Variants in SOX6 observed in about 807,000 individuals in gnomAD.
SOX6 encodes the protein SRY-box transcription factor 6.
A neutral mutation model predicts 97.8 loss-of-function variants in SOX6; 11 were observed. That is an observed-to-expected ratio of 0.11 (90% CI 0.07 to 0.19). The LOEUF (loss-of-function observed/expected upper bound fraction) is 0.19, where lower values mean the gene tolerates loss of function less well. Among genes scored for constraint, SOX6 ranks in the 10% least tolerant of loss-of-function variants. SOX6 has a pLI of 1.00. For synonymous variants in SOX6, 360 were observed against 371.4 expected, an observed-to-expected ratio of 0.97 and a Z score of 0.35; for missense variants, 810 against 1,039.5, an observed-to-expected ratio of 0.78 and a Z score of 3.04.
In SOX6 at chr11:16,014,947, G is replaced by A. The variant is rs1367509838; in HGVS notation, c.1727C>T (p.Ala576Val). The change falls in exon 13 of 16, where the codon GCA becomes GTA. Residue 576 changes from alanine to valine, a missense_variant. Coordinates refer to ENST00000683767, the MANE Select transcript of SOX6 (RefSeq NM_001367873.1). Reference sequence around the variant, plus strand: ...ACTAGAGAAAAGCCACTCACCCTCTGCATCTTCTGGCCGAGTAAGGTCGAT... The same window carrying A: ...ACTAGAGAAAAGCCACTCACCCTCTACATCTTCTGGCCGAGTAAGGTCGAT... ...GVIDLTRPED[A>V]EGSKAMNGSA... 3 of 1,612,336 alleles carry A rather than the reference G, an allele frequency of 1.9e-6. No individual in the cohort carries two copies. The highest frequency in any genetic ancestry group is 3.3e-5 in the Admixed American group (2 of 59,810).
In SOX6 at chr11:16,492,745, G is replaced by A. The variant is rs866233430; in HGVS notation, n.610-16357C>T. Among the ~76,000 whole-genome samples, 8 of 152,188 alleles carry A rather than the reference G, an allele frequency of 5.3e-5. No individual in the cohort carries two copies. The South Asian group carries it at 1.7e-3, about 32-fold the overall frequency. On this transcript the variant is annotated intron_variant and non_coding_transcript_variant, in intron 4 of 5. Coordinates refer to the SOX6 transcript ENST00000524520. Reference sequence around the variant, plus strand: ...CCAAACTAAGACTACAAACTGGTCTGTACCCAGAATGTATTAAAACGCCTA... The same window carrying A: ...CCAAACTAAGACTACAAACTGGTCTATACCCAGAATGTATTAAAACGCCTA...
At chr11:16,516,491 G>A (rs980869572) in intron 4 of SOX6, among the ~76,000 whole-genome samples, 2 of 151,868 alleles carry the variant, frequency 1.3e-5, no homozygotes, top group African/African-American at 4.8e-5. Flanking sequence ...AATGATAAAG[G>A]GGATATCACC....
chr11:16,105,389 T>A (rs1030870174), intron 7 of SOX6, among the ~76,000 whole-genome samples: 2 of 152,038 alleles, frequency 1.3e-5, no homozygotes, highest in African/African-American at 4.8e-5. Context: ...GACCTCGGCA[T>A]GATGAAACCT....
At chr11:16,379,189 G>A (rs748251804) in intron 1 of SOX6, among the ~76,000 whole-genome samples, 14 of 152,088 alleles carry the variant, frequency 9.2e-5, no homozygotes, top group Non-Finnish European at 1.8e-4. Flanking sequence ...AATGCAGGCC[G>A]GGCACAGTGG....
At chr11:16,618,982 T>A (rs555307645) in intron 3 of SOX6, among the ~76,000 whole-genome samples, 8 of 152,196 alleles carry the variant, frequency 5.3e-5, no homozygotes, top group African/African-American at 1.7e-4. Flanking sequence ...ATAAGATCTG[T>A]GCAGTAGACA....
intron 3 of SOX6, among the ~76,000 whole-genome samples, chr11:16,235,342 G>A (rs1486250491): frequency 6.6e-6 from 1 of 151,958 alleles, no homozygotes; most frequent in African/African-American, 2.4e-5. Context: ...CTAAAATACA[G>A]GGAGTAATTA....
intron 3 of SOX6, among the ~76,000 whole-genome samples, chr11:16,714,479 A>C (rs1224662892): frequency 7.6e-6 from 1 of 130,878 alleles, no homozygotes; most frequent in African/African-American, 3.1e-5. Context: ...TTTCAGACAG[A>C]GTCTTGCTCT....
At chr11:16,203,490 G>A (rs561471054) in intron 4 of SOX6, among the ~76,000 whole-genome samples, 80 of 152,172 alleles carry the variant, frequency 5.3e-4, no homozygotes, top group Non-Finnish European at 1.1e-3. Context: ...CACTTTCAAG[G>A]TTTAATTATC....
At chr11:16,595,005 T>A (rs184400406) in intron 4 of SOX6, among the ~76,000 whole-genome samples, 1 of 152,342 alleles carries the variant, frequency 6.6e-6, no homozygotes, top group Admixed American at 6.5e-5. Context: ...TTTTGGCTTC[T>A]TATTAAGGAA....
intron 3 of SOX6, among the ~76,000 whole-genome samples, chr11:16,654,504 G>A (rs1847697041): frequency 6.6e-6 from 1 of 152,036 alleles, no homozygotes; most frequent in Admixed American, 6.6e-5. Flanking sequence ...TGCCCAGGCT[G>A]GGTTCAAACT....
intron 6 of SOX6, among the ~76,000 whole-genome samples, chr11:16,138,901 T>C (rs531041695): frequency 6.6e-6 from 1 of 152,220 alleles, no homozygotes; most frequent in Non-Finnish European, 1.5e-5. Context: ...TATGGCTGCA[T>C]AGTATTACAC....
intron 3 of SOX6, among the ~76,000 whole-genome samples, chr11:16,248,712 C>T (rs551076350): frequency 6.6e-6 from 1 of 152,322 alleles, no homozygotes; most frequent in South Asian, 2.1e-4. Context: ...AACCATTTTT[C>T]CCTCCTAGGC....
chr11:16,628,040 T>C (rs554905174), intron 3 of SOX6, among the ~76,000 whole-genome samples: 35 of 152,356 alleles, frequency 2.3e-4, no homozygotes, highest in African/African-American at 7.9e-4. Context: ...GAATCACTTA[T>C]TGAATAGGGA....
chr11:16,169,379 A>T (rs992605076), intron 6 of SOX6, among the ~76,000 whole-genome samples: 1 of 152,138 alleles, frequency 6.6e-6, no homozygotes, highest in Admixed American at 6.6e-5. Flanking sequence ...TTACCTGCTA[A>T]AAGAAGTTAC....
chr11:16,508,049 C>T (rs1565166529), intron 4 of SOX6, among the ~76,000 whole-genome samples: 1 of 151,910 alleles, frequency 6.6e-6, no homozygotes, highest in East Asian at 1.9e-4. Flanking sequence ...AAAAAAAGGA[C>T]AACTAATTCT....
At chr11:16,372,634 G>T (rs1050792452) in intron 1 of SOX6, among the ~76,000 whole-genome samples, 67 of 152,008 alleles carry the variant, frequency 4.4e-4, no homozygotes, top group Admixed American at 3.7e-3. Context: ...GTTAACGACT[G>T]GTCACAAGAA....
rs192849482 is a variant in SOX6 at position 16,680,054 on chromosome 11, G to A, written n.429+34776C>T. Among the ~76,000 whole-genome samples, 925 of 152,268 alleles carry A rather than the reference G, an allele frequency of 6.1e-3. 6 individuals are homozygous for A. The highest frequency in any genetic ancestry group is 0.01 in the Non-Finnish European group (701 of 68,020). ...ACACTCTTCAGGATATTATCCAGGA[G>A]AACTTCCCCAACCTAGCAAGGCAGG... is the stretch of plus-strand genomic sequence containing the variant. On this transcript the variant is annotated intron_variant and non_coding_transcript_variant, in intron 3 of 5. Coordinates refer to the SOX6 transcript ENST00000524520.
At position 16,341,115 on chromosome 11, in the gene SOX6, G is replaced by C. The variant is rs760680996; in HGVS notation, c.134C>G (p.Pro45Arg). ...AGAGTGAGGTTTGTTGTGCATTATGGGGTGCAGAGGCAGATGGGAGGCCAC... is the reference window on the plus strand; with the variant it reads ...AGAGTGAGGTTTGTTGTGCATTATGCGGTGCAGAGGCAGATGGGAGGCCAC... ...QHVASHLPLH[P>R]IMHNKPHSEE... The change falls in exon 2 of 16, where the codon CCC (proline) becomes CGC (arginine). Residue 45 changes from proline to arginine, a missense_variant. Pro to Arg is a moderately radical substitution (Grantham distance 103, BLOSUM62 -2). Coordinates refer to ENST00000683767, the MANE Select transcript of SOX6 (RefSeq NM_001367873.1). 6.2e-7 allele frequency: 1 copy of C among 1,613,520 alleles called. No individual in the cohort carries two copies. Among genetic ancestry groups the C allele is most frequent in the Non-Finnish European group, 8.5e-7 (1 of 1,179,574 alleles).
At chr11:16,377,685 A>G (rs1214263083) in intron 1 of SOX6, among the ~76,000 whole-genome samples, 1 of 152,210 alleles carries the variant, frequency 6.6e-6, no homozygotes, top group Non-Finnish European at 1.5e-5. Flanking sequence ...AGCATGGAGA[A>G]TAACATTTCC....
Sources: gnomAD v4.1 joint callset for allele counts (sites outside exome capture counted in the v4.1 genomes callset) on GRCh38, gnomAD v4.1.1 for gene constraint, MANE v1.5 for transcripts, NCBI Gene and HGNC (gene_info 2026-07-23, HGNC 2026-07-21) for gene names.